The following LTB4R variants were observed in gnomAD, a reference collection of about 807,000 sequenced individuals.
LTB4R encodes leukotriene B4 receptor, also known as leukotriene B4 receptor 1.
For missense variants in LTB4R, 470 were observed against 485.6 expected, an observed-to-expected ratio of 0.97 and a Z score of 0.30; for synonymous variants, 250 against 230.7, an observed-to-expected ratio of 1.08 and a Z score of -0.76.
rs377045409 is a variant in LTB4R at position 24,311,643 on chromosome 14, C to G, written c.-177C>G. ...CCGCTCTAGGGAAGGGACCATGGAG[C>G]TCCGAACTACCCCTCAGCTGAAAGT... On this transcript the variant is annotated 5_prime_UTR_variant, in exon 1 of 2. Coordinates refer to ENST00000345363, the MANE Select transcript of LTB4R (RefSeq NM_001143919.3). 6.3e-4 allele frequency: 1,017 copies of G among 1,613,378 alleles called. 18 individuals carry two copies. In the South Asian group the frequency reaches 9.9e-3, roughly 16 times the overall value.
At position 24,311,653 on chromosome 14, in the gene LTB4R, C is replaced by T. The variant is rs748927844; in HGVS notation, c.-167C>T. On this transcript the variant is annotated 5_prime_UTR_variant, in exon 1 of 2. Transcript: ENST00000345363. ...GAAGGGACCATGGAGCTCCGAACTA[C>T]CCCTCAGCTGAAAGTGGTGGGGCAG... 9 of 1,612,984 alleles carry T rather than the reference C, an allele frequency of 5.6e-6. No individual in the cohort carries two copies. In the South Asian group the frequency reaches 9.9e-5, roughly 18 times the overall value.
At position 24,317,218 on chromosome 14, in the gene LTB4R, G is replaced by A. The variant is rs141285818; in HGVS notation, c.*508G>A. 1.5e-3 allele frequency: 251 copies of A among 167,770 alleles called. No individual in the cohort carries two copies. The highest frequency in any genetic ancestry group is 2.7e-3 in the Non-Finnish European group (184 of 68,538). The allele number at this position is 167,770 out of a possible 1,614,324, so 10.4% of individuals were successfully genotyped here. ...CTTATCACTCCAGGTTCTGTGACCC[G>A]GGACCTTCTGAGAAAACAGCACTGC... On this transcript the variant is annotated 3_prime_UTR_variant, in exon 2 of 2. Transcript: ENST00000345363.
Position 24,315,897 on chromosome 14 carries a change from C to T in LTB4R, c.246C>T (p.Thr82=). 2 of 1,614,186 alleles carry T rather than the reference C, an allele frequency of 1.2e-6. No individual in the cohort carries two copies. Among genetic ancestry groups the T allele is most frequent in the Non-Finnish European group, 1.7e-6 (2 of 1,180,032 alleles). Residue 82 remains threonine (T), a synonymous_variant, in exon 2 of 2, where the codon ACC becomes ACT. Coordinates refer to ENST00000345363, the MANE Select transcript of LTB4R (RefSeq NM_001143919.3). ...TCCTTCACTTCCTGGCCCAAGGCAC[C>T]TGGAGTTTTGGACTGGCTGGTTGCC... is the stretch of plus-strand genomic sequence containing the variant. ...PFFLHFLAQG[T]WSFGLAGCRL... is the part of the protein sequence containing the mutation.
At position 24,312,839 on chromosome 14, in the gene LTB4R, T is replaced by C. The variant is rs1486750734; in HGVS notation, c.-16+1035T>C. Among the ~76,000 whole-genome samples the C allele has an allele frequency of 5.3e-5, 8 of 152,180 alleles. No individual in the cohort carries two copies. In the East Asian group the frequency reaches 1.5e-3, roughly 29 times the overall value. Reference sequence around the variant, plus strand: ...CACTAAGGTGACCAGCTCATCCCAGTTGGCCTGGAACTTTCCCAGTTTAAG... The same window carrying C: ...CACTAAGGTGACCAGCTCATCCCAGCTGGCCTGGAACTTTCCCAGTTTAAG... On this transcript the variant is annotated intron_variant, in intron 1 of 1. Coordinates refer to ENST00000345363, the MANE Select transcript of LTB4R (RefSeq NM_001143919.3).
rs2041788678 is a variant in LTB4R, at chr14:24,317,633, CAT to C, written c.*925_*926del. ...AGCAGTGTACTTTTTGGATCTTTCT[CAT>C]AAAAAAACAAAAGAGCAAGTAAGAG... is the stretch of plus-strand genomic sequence containing the variant. On this transcript the variant is annotated 3_prime_UTR_variant, in exon 2 of 2. Coordinates refer to ENST00000345363, the MANE Select transcript of LTB4R (RefSeq NM_001143919.3). 6.0e-6 allele frequency: 1 copy of C among 166,610 alleles called. No individual in the cohort carries two copies. The highest frequency in any genetic ancestry group is 2.4e-5 in the African/African-American group (1 of 41,292). 10.3% of individuals were successfully genotyped at this position (166,610 alleles called of 1,614,324 possible).
Position 24,315,937 on chromosome 14 carries a change from G to A in LTB4R, c.286G>A (p.Val96Ile), listed in dbSNP as rs1335083807. 1 of 1,614,060 alleles carries A rather than the reference G, an allele frequency of 6.2e-7. No homozygotes were observed. The highest frequency in any genetic ancestry group is 8.5e-7 in the Non-Finnish European group (1 of 1,180,058). Residue 96 changes from valine (V) to isoleucine (I), a missense_variant, in exon 2 of 2, where the codon GTC becomes ATC. Transcript: ENST00000345363. ...GGCTGGTTGCCGCCTGTGTCACTAT[G>A]TCTGCGGAGTCAGCATGTACGCCAG... Reference protein sequence around the residue: ...GLAGCRLCHYVCGVSMYASVL... With the variant: ...GLAGCRLCHYICGVSMYASVL...
intron 1 of LTB4R, 196 bp downstream of exon 1, chr14:24,312,000 CCA>C (rs1458700605): frequency 4.2e-6 from 2 of 480,070 alleles, no homozygotes; most frequent in South Asian, 9.1e-5. Context: ...TTACTTGTTG[CCA>C]ATAGCTGTTA....
chr14:24,311,563 G>T lies in LTB4R; in HGVS notation c.-257G>T. 6.2e-7 allele frequency: 1 copy of T among 1,609,564 alleles called. No individual in the cohort carries two copies. On this transcript the variant is annotated 5_prime_UTR_variant, in exon 1 of 2. Transcript: ENST00000345363. ...GCTGGAGATCTGCTGCCCCGGGCAG[G>T]TCCCCGTTTCCTCACGCGGCTCTTC...
chr14:24,317,538 CTGT>C lies in LTB4R; in HGVS notation c.*833_*835del, dbSNP rs1347558949. The C allele has an allele frequency of 6.0e-6, 1 of 167,048 alleles. No individual in the cohort carries two copies. Among genetic ancestry groups the C allele is most frequent in the Non-Finnish European group, 1.5e-5 (1 of 68,116 alleles). The allele number at this position is 167,048 out of a possible 1,614,324, so 10.3% of individuals were successfully genotyped here. On this transcript the variant is annotated 3_prime_UTR_variant, in exon 2 of 2. Transcript: ENST00000345363. The stretch of plus-strand genomic sequence containing the variant: ...ATGAGTCATTATTTCCTAGAGATGA[CTGT>C]TGTTTTAGAGAACCTTGGTCCAACT...
At chr14:24,312,260 AG>A (rs1372383693) in intron 1 of LTB4R, among the ~76,000 whole-genome samples, 4 of 152,214 alleles carry the variant, frequency 2.6e-5, no homozygotes, top group African/African-American at 4.8e-5. Flanking sequence ...AGCTTGGATG[AG>A]GGGTAGGAAT....
chr14:24,316,586 C>T lies in LTB4R; in HGVS notation c.935C>T (p.Ala312Val). Residue 312 changes from alanine to valine, a missense_variant, in exon 2 of 2, where the codon GCG becomes GTG. Coordinates refer to ENST00000345363, the MANE Select transcript of LTB4R (RefSeq NM_001143919.3). The part of the protein sequence containing the change: ...AKLLEGTGSE[A>V]SSTRRGGSLG... ...CTGCTGGAGGGCACGGGCTCCGAGG[C>T]GTCCAGCACGCGCCGCGGGGGCAGC... The T allele has an allele frequency of 1.4e-6, 2 of 1,439,992 alleles. No individual in the cohort carries two copies. The highest frequency in any genetic ancestry group is 1.8e-6 in the Non-Finnish European group (2 of 1,103,654). 89.2% of individuals were successfully genotyped at this position (1,439,992 alleles called of 1,614,324 possible).
At position 24,311,506 on chromosome 14, in the gene LTB4R, C is replaced by A. The variant is rs1385952122; in HGVS notation, c.-314C>A. 1 of 1,602,464 alleles carries A rather than the reference C, an allele frequency of 6.2e-7. No homozygotes were observed. The highest frequency in any genetic ancestry group is 1.3e-5 in the African/African-American group (1 of 75,074). On this transcript the variant is annotated 5_prime_UTR_variant, in exon 1 of 2. Transcript: ENST00000345363. ...ACTACGGCCTTGGCCTTCTTCAGTT[C>A]TAGCGTCAACCCGGTGCTCTACGTC... is the stretch of plus-strand genomic sequence containing the variant.
chr14:24,316,189 T>G lies in LTB4R; in HGVS notation c.538T>G (p.Phe180Val). 1 of 1,613,852 alleles carries G rather than the reference T, an allele frequency of 6.2e-7. No individual in the cohort carries two copies. Among genetic ancestry groups the G allele is most frequent in the Non-Finnish European group, 8.5e-7 (1 of 1,180,032 alleles). ...GTACCCCAGCGAAGGGCACCGGGCCTTCCATCTAATCTTCGAGGCTGTCAC... is the reference window on the plus strand; with the variant it reads ...GTACCCCAGCGAAGGGCACCGGGCCGTCCATCTAATCTTCGAGGCTGTCAC... Reference protein sequence around the residue: ...PRYPSEGHRAFHLIFEAVTGF... With the variant: ...PRYPSEGHRAVHLIFEAVTGF... The change falls in exon 2 of 2, where the codon TTC (phenylalanine) becomes GTC (valine). Residue 180 changes from phenylalanine to valine, a missense_variant. By Grantham distance (50) the Phe-to-Val change is conservative. Transcript: ENST00000345363.
Position 24,316,114 on chromosome 14 carries a change from T to TA in LTB4R, c.464dup (p.Tyr155Ter). 6.2e-7 allele frequency: 1 copy of TA among 1,613,670 alleles called. No individual in the cohort carries two copies. Among genetic ancestry groups the TA allele is most frequent in the Non-Finnish European group, 8.5e-7 (1 of 1,180,042 alleles). The change falls in exon 2 of 2, where the codon TAC becomes TAAC. Residue 155 changes from tyrosine (Y) to a stop codon, truncating the protein, a stop_gained and frameshift_variant. Coordinates refer to ENST00000345363, the MANE Select transcript of LTB4R (RefSeq NM_001143919.3). LOFTEE classifies it low-confidence loss of function (END_TRUNC). Reference sequence around the variant, plus strand: ...TCTGCTGGCCACACCCGTCCTCGCGTACCGCACAGTAGTGCCCTGGAAAAC... The same window carrying TA: ...TCTGCTGGCCACACCCGTCCTCGCGTAACCGCACAGTAGTGCCCTGGAAAAC... ...SFLLATPVLA[Y>*]RTVVPWKTNM... is the part of the protein sequence containing the mutation.
intron 1 of LTB4R, chr14:24,314,798 C>G (rs571502719): frequency 2.9e-4 from 45 of 153,084 alleles, no homozygotes; most frequent in African/African-American, 9.6e-4. Flanking sequence ...TATCCCCCCT[C>G]CTAGTGAAGG....
At position 24,315,723 on chromosome 14, in the gene LTB4R, G is replaced by C. The variant is rs778937314; in HGVS notation, c.72G>C (p.Leu24=). The change falls in exon 2 of 2, where the codon CTG becomes CTC. Residue 24 remains leucine, a synonymous_variant. Coordinates refer to ENST00000345363, the MANE Select transcript of LTB4R (RefSeq NM_001143919.3). Reference sequence around the variant, plus strand: ...TCATCTCTCTGCTGGCTATCATCCTGCTGTCAGTGGCGCTGGCTGTGGGGC... The same window carrying C: ...TCATCTCTCTGCTGGCTATCATCCTCCTGTCAGTGGCGCTGGCTGTGGGGC... ...VEFISLLAII[L]LSVALAVGLP... The C allele has an allele frequency of 1.2e-6, 2 of 1,614,196 alleles. No individual in the cohort carries two copies. Among genetic ancestry groups the C allele is most frequent in the South Asian group, 1.1e-5 (1 of 91,084 alleles).
intron 1 of LTB4R, among the ~76,000 whole-genome samples, chr14:24,312,745 G>A (rs766509270): frequency 3.7e-4 from 57 of 152,160 alleles, no homozygotes; most frequent in Middle Eastern, 3.2e-3. Context: ...TCTAGATCCT[G>A]ACCCCTTTGA....
intron 1 of LTB4R, 91 bp from the exon 2 acceptor site, chr14:24,315,546 A>G: frequency 1.3e-6 from 1 of 773,880 alleles, no homozygotes; most frequent in South Asian, 1.7e-5. Flanking sequence ...GACCCTGGAG[A>G]TAGACTAGAG....
chr14:24,311,863 T>A, intron 1 of LTB4R, 59 bp downstream of exon 1: 1 of 917,150 alleles, frequency 1.1e-6, no homozygotes, highest in Non-Finnish European at 1.6e-6. Flanking sequence ...TCTGGCTGGG[T>A]AGGATTACTA....
Sources: gnomAD v4.1 joint callset for allele counts (sites outside exome capture counted in the v4.1 genomes callset) on GRCh38, gnomAD v4.1.1 for gene constraint, MANE v1.5 for transcripts, NCBI Gene and HGNC (gene_info 2026-07-23, HGNC 2026-07-21) for gene names.